The following STXBP5L variants were observed in gnomAD, a reference collection of about 807,000 sequenced individuals.
STXBP5L encodes syntaxin binding protein 5L, also known as syntaxin-binding protein 5-like.
STXBP5L carries 65 observed loss-of-function variants against 144.5 expected under a neutral mutation model. The ratio of observed to expected loss-of-function variants is 0.45; its 90% confidence interval spans 0.37 to 0.55. STXBP5L has a LOEUF of 0.55. Among genes scored for constraint, STXBP5L ranks in the 20% least tolerant of loss-of-function variants. The pLI is 0.00. For missense variants in STXBP5L, 1,298 were observed against 1,405.5 expected, an observed-to-expected ratio of 0.92 and a Z score of 1.22; for synonymous variants, 505 against 469.6, an observed-to-expected ratio of 1.08 and a Z score of -0.97.
chr3:121,019,319 C>T (rs1279571865), intron 3 of STXBP5L, among the ~76,000 whole-genome samples: 2 of 152,264 alleles, frequency 1.3e-5, no homozygotes, highest in African/African-American at 4.8e-5. Context: ...GACATAATGC[C>T]TTGGGAGCTG....
intron 9 of STXBP5L, among the ~76,000 whole-genome samples, chr3:121,199,121 A>C (rs2048035959): frequency 6.6e-6 from 1 of 152,122 alleles, no homozygotes; most frequent in African/African-American, 2.4e-5. Flanking sequence ...ATGAGCATAC[A>C]ATTTTTTTCC....
intron 9 of STXBP5L, among the ~76,000 whole-genome samples, chr3:121,204,826 T>A (rs909563064): frequency 1.2e-4 from 19 of 152,148 alleles, no homozygotes; most frequent in Non-Finnish European, 2.5e-4. Context: ...AAGATAAGCA[T>A]GTTATGTGCA....
intron 7 of STXBP5L, among the ~76,000 whole-genome samples, chr3:121,124,387 T>G (rs778204103): frequency 3.9e-5 from 6 of 152,126 alleles, no homozygotes; most frequent in African/African-American, 7.2e-5. Flanking sequence ...AGTGTATAAC[T>G]TATAGAAAAT....
chr3:121,018,612 A>T (rs1205938566), intron 3 of STXBP5L, among the ~76,000 whole-genome samples: 1 of 152,138 alleles, frequency 6.6e-6, no homozygotes, highest in Non-Finnish European at 1.5e-5. Flanking sequence ...TAAATGTAAA[A>T]CACAAAATTA....
At chr3:121,239,801 A>G (rs2049608390) in intron 13 of STXBP5L, among the ~76,000 whole-genome samples, 1 of 151,706 alleles carries the variant, frequency 6.6e-6, no homozygotes, top group African/African-American at 2.4e-5. Context: ...TGGCACATGT[A>G]TACATATGTA....
At chr3:121,259,263 C>T in intron 18 of STXBP5L, 95 bp downstream of exon 18, 1 of 964,156 alleles carries the variant, frequency 1.0e-6, no homozygotes, top group Non-Finnish European at 1.4e-6. Context: ...TGAAAAGAAG[C>T]CCTTACCTGG....
At chr3:121,305,625 A>T (rs2043312178) in intron 19 of STXBP5L, among the ~76,000 whole-genome samples, 1 of 152,190 alleles carries the variant, frequency 6.6e-6, no homozygotes, top group Non-Finnish European at 1.5e-5. Context: ...TCCTTAACAA[A>T]ACAAGAATAG....
At chr3:120,960,500 G>A (rs2107732463) in intron 3 of STXBP5L, among the ~76,000 whole-genome samples, 1 of 152,268 alleles carries the variant, frequency 6.6e-6, no homozygotes, top group South Asian at 2.1e-4. Flanking sequence ...CAAAGACTTG[G>A]AACCAACCCA....
At chr3:121,282,404 C>T (rs2051091393) in intron 19 of STXBP5L, 1 of 1,464,300 alleles carries the variant, frequency 6.8e-7, no homozygotes, top group Non-Finnish European at 9.5e-7. Context: ...ATCCATACAT[C>T]AGTGCTCAGT....
chr3:120,970,512 A>G (rs1940124175), intron 3 of STXBP5L, among the ~76,000 whole-genome samples: 1 of 152,164 alleles, frequency 6.6e-6, no homozygotes, highest in Non-Finnish European at 1.5e-5. Context: ...TCATCTGGAC[A>G]GCAGGATTTC....
At chr3:121,402,365 C>T (rs1019592261) in intron 22 of STXBP5L, among the ~76,000 whole-genome samples, 6 of 152,160 alleles carry the variant, frequency 3.9e-5, no homozygotes, top group Non-Finnish European at 1.5e-5. Flanking sequence ...AAGCAAATAT[C>T]TCAGGCTCCT....
chr3:120,996,829 G>A (rs955312169), intron 3 of STXBP5L, among the ~76,000 whole-genome samples: 2 of 152,070 alleles, frequency 1.3e-5, no homozygotes, highest in Non-Finnish European at 2.9e-5. Context: ...TAGGTTCAGG[G>A]GGGTACATGT....
chr3:121,228,741 G>T (rs1028525114), intron 11 of STXBP5L, among the ~76,000 whole-genome samples: 1 of 152,126 alleles, frequency 6.6e-6, no homozygotes, highest in Non-Finnish European at 1.5e-5. Context: ...GCTGGGTGAG[G>T]TGGCACACAT....
At chr3:120,974,114 C>T (rs1371336628) in intron 3 of STXBP5L, among the ~76,000 whole-genome samples, 1 of 152,144 alleles carries the variant, frequency 6.6e-6, no homozygotes, top group Non-Finnish European at 1.5e-5. Flanking sequence ...GAGGAATCAC[C>T]ACACTAACTT....
At chr3:121,171,599 A>G (rs2046720676) in intron 9 of STXBP5L, among the ~76,000 whole-genome samples, 1 of 152,202 alleles carries the variant, frequency 6.6e-6, no homozygotes, top group South Asian at 2.1e-4. Context: ...CTCATTCACA[A>G]CTGCTACAAA....
At chr3:121,406,796 GATT>G (rs571207863) in intron 22 of STXBP5L, among the ~76,000 whole-genome samples, 12 of 151,832 alleles carry the variant, frequency 7.9e-5, no homozygotes, top group Non-Finnish European at 1.3e-4. Context: ...AAGATTGTGT[GATT>G]ATTTTTCAGT....
chr3:121,200,506 C>G (rs2048097741), intron 9 of STXBP5L, among the ~76,000 whole-genome samples: 1 of 152,116 alleles, frequency 6.6e-6, no homozygotes, highest in South Asian at 2.1e-4. Flanking sequence ...TTAGTTATTT[C>G]TTGTCTTGTG....
chr3:121,009,764 C>T (rs965719416), intron 3 of STXBP5L, among the ~76,000 whole-genome samples: 3 of 151,776 alleles, frequency 2.0e-5, no homozygotes, highest in Non-Finnish European at 1.5e-5. Flanking sequence ...TGTGCCAACT[C>T]TTCTTATTTG....
chr3:121,128,037 AG>A (rs1206348880), intron 7 of STXBP5L, among the ~76,000 whole-genome samples: 1 of 152,126 alleles, frequency 6.6e-6, no homozygotes, highest in Non-Finnish European at 1.5e-5. Flanking sequence ...ATCTTCCTCA[AG>A]GAATAAATAA....
Sources: gnomAD v4.1 joint callset for allele counts (sites outside exome capture counted in the v4.1 genomes callset) on GRCh38, gnomAD v4.1.1 for gene constraint, MANE v1.5 for transcripts, NCBI Gene and HGNC (gene_info 2026-07-23, HGNC 2026-07-21) for gene names.